ASRGL1: variants seen among roughly 807,000 people sequenced by gnomAD.
The protein encoded by ASRGL1 is isoaspartyl peptidase/L-asparaginase.
In ASRGL1, 16 loss-of-function variants were observed where a neutral mutation model predicts 22.4. The ratio of observed to expected loss-of-function variants is 0.71; its 90% CI spans 0.48 to 1.08. The LOEUF (loss-of-function observed/expected upper bound fraction) is 1.08. Among genes scored for constraint, ASRGL1 ranks in the 50% least tolerant of loss-of-function variants. ASRGL1 has a pLI of 0.00. For missense variants in ASRGL1, 412 were observed against 410.1 expected (o/e 1.00, Z -0.04); for synonymous variants, 165 against 159.3 (o/e 1.04, Z -0.27).
At chr11:62,372,232 C>T in intron 4 of ASRGL1, 1 of 1,348,642 alleles carries the variant, frequency 7.4e-7, no homozygotes, top group Non-Finnish European at 1.1e-6. Flanking sequence ...TTGTGTGCAG[C>T]GTGTGCGCGG....
chr11:62,391,881 A>C, intron 6 of ASRGL1, 198 bp from the exon 7 acceptor site: 1 of 740,696 alleles, frequency 1.4e-6, no homozygotes. Flanking sequence ...TGGATGTGGG[A>C]GGGAAGACCC....
chr11:62,372,264 G>C, intron 4 of ASRGL1: 9 of 1,597,074 alleles, frequency 5.6e-6, no homozygotes, highest in Non-Finnish European at 7.7e-6. Flanking sequence ...GGCCTTGACG[G>C]AAACGGGCTC....
At chr11:62,383,495 C>T (rs1282527642) in intron 4 of ASRGL1, among the ~76,000 whole-genome samples, 4 of 143,496 alleles carry the variant, frequency 2.8e-5, no homozygotes, top group Admixed American at 7.1e-5. Context: ...CCCAGCTACT[C>T]GGGAGGCTGA....
chr11:62,395,190 A>G (rs147868568), downstream of ASRGL1, among the ~76,000 whole-genome samples: 1 of 152,292 alleles, frequency 6.6e-6, no homozygotes, highest in East Asian at 1.9e-4. Context: ...AAATGGCCCG[A>G]AGAACCCACC....
rs551767263 is a variant in ASRGL1 at position 62,352,571 on chromosome 11, G to GA, written c.191-3751dup. Among the ~76,000 whole-genome samples the GA allele has an allele frequency of 3.7e-3, 569 of 152,218 alleles. 1 individual carries two copies. The highest frequency in any genetic ancestry group is 0.013 in the African/African-American group (525 of 41,532). On this transcript the variant is annotated intron_variant, in intron 2 of 6. Transcript: ENST00000415229. The stretch of plus-strand genomic sequence containing the variant: ...GGCACTCCAGCCTGGGCGACGGAGT[G>GA]AAACTGTGTCTAAAAAAAAGAAAAA...
intron 2 of ASRGL1, among the ~76,000 whole-genome samples, chr11:62,351,205 C>A (rs1047767237): frequency 6.6e-6 from 1 of 152,152 alleles, no homozygotes; most frequent in Non-Finnish European, 1.5e-5. Flanking sequence ...TAAATATTTC[C>A]ACTATGTGCA....
At chr11:62,357,354 G>T (rs1049366661) in intron 4 of ASRGL1, among the ~76,000 whole-genome samples, 5 of 151,288 alleles carry the variant, frequency 3.3e-5, no homozygotes, top group Admixed American at 2.6e-4. Context: ...GGCTCAAGCG[G>T]TTCTCCTGCC....
chr11:62,371,160 G>A, intron 4 of ASRGL1: 2 of 1,168,310 alleles, frequency 1.7e-6, no homozygotes. Context: ...CGGCGGTGGC[G>A]GCCTGGGAGG....
intron 4 of ASRGL1, chr11:62,371,199 C>T: frequency 3.2e-6 from 4 of 1,253,534 alleles, no homozygotes; most frequent in South Asian, 3.2e-5. Flanking sequence ...GCACTGCCCA[C>T]GCCAGGGCCC....
rs1332081048 is a variant in ASRGL1 at position 62,383,582 on chromosome 11, G to A, written c.492-5551G>A. Among the ~76,000 whole-genome samples, 19 of 110,422 alleles carry A rather than the reference G, an allele frequency of 1.7e-4. No homozygotes were observed. In the East Asian group the frequency reaches 4.6e-3, roughly 27 times the overall value. 72.4% of individuals were successfully genotyped at this position (110,422 alleles called of 152,430 possible). A position where few individuals can be genotyped will look rare whatever the true frequency, so the allele number is the denominator to read the frequency against. On this transcript the variant is annotated intron_variant, in intron 4 of 6. Transcript: ENST00000415229. ...CCCGCCACTGCACTCCAGCCTGGGC[G>A]ACAGAGCGAGACTCCTACTCAAAAA...
At chr11:62,343,402 T>C (rs1362300955) in intron 2 of ASRGL1, among the ~76,000 whole-genome samples, 2 of 132,018 alleles carry the variant, frequency 1.5e-5, no homozygotes, top group Non-Finnish European at 3.2e-5. Context: ...AAAAAGGAAC[T>C]GCCAAACTTT....
chr11:62,359,921 TTTAACA>T (rs1428176287), intron 4 of ASRGL1, among the ~76,000 whole-genome samples: 1 of 152,034 alleles, frequency 6.6e-6, no homozygotes, highest in African/African-American at 2.4e-5. Context: ...ATATTTTAAC[TTTAACA>T]TTAATAAAAA....
At chr11:62,373,818 G>C (rs1946840581) in intron 4 of ASRGL1, among the ~76,000 whole-genome samples, 1 of 152,244 alleles carries the variant, frequency 6.6e-6, no homozygotes, top group East Asian at 1.9e-4. Context: ...TTGGGGATCT[G>C]TGTTTAGCCA....
At chr11:62,359,668 G>A (rs1056047379) in intron 4 of ASRGL1, among the ~76,000 whole-genome samples, 6 of 152,058 alleles carry the variant, frequency 3.9e-5, no homozygotes, top group African/African-American at 1.2e-4. Context: ...TTCTGTAAGT[G>A]CACAGCACAG....
chr11:62,398,403 C>T (rs1244628376), downstream of ASRGL1, among the ~76,000 whole-genome samples: 2 of 152,148 alleles, frequency 1.3e-5, no homozygotes, highest in Admixed American at 1.3e-4. Context: ...AGCTACCCCA[C>T]GTGCTTGTTG....
chr11:62,346,482 A>G (rs1369215131), intron 2 of ASRGL1, among the ~76,000 whole-genome samples: 4 of 152,160 alleles, frequency 2.6e-5, no homozygotes, highest in African/African-American at 9.7e-5. Flanking sequence ...GTAAGAAGCC[A>G]TGTTTGCTAA....
At chr11:62,362,560 ATT>A (rs1491263833) in intron 4 of ASRGL1, among the ~76,000 whole-genome samples, 77 of 6,320 alleles carry the variant, frequency 0.012, 4 homozygotes, top group African/African-American at 0.019. Flanking sequence ...AACATATATT[ATT>A]TATATAATAT....
chr11:62,383,807 C>G (rs1261612221), intron 4 of ASRGL1, among the ~76,000 whole-genome samples: 2 of 150,034 alleles, frequency 1.3e-5, no homozygotes, highest in Admixed American at 1.3e-4. Context: ...ACCTGTAGTC[C>G]CAGCTTCTCA....
rs934405766 is a variant in ASRGL1, at chr11:62,357,032, G to A, written c.379G>A (p.Ala127Thr). The change falls in exon 4 of 7, where the codon GCA becomes ACA. Residue 127 changes from alanine to threonine, a missense_variant. By Grantham distance (58) the Ala-to-Thr change is moderately conservative. Transcript: ENST00000415229. ...TGACCAAGGCGCAGCGCAGTTTGCA[G>A]CAGCTATGGGGGTTCCAGAGATTCC... Reference protein sequence around the residue: ...LTDQGAAQFAAAMGVPEIPGE... With the variant: ...LTDQGAAQFATAMGVPEIPGE... The A allele has an allele frequency of 2.5e-6, 4 of 1,613,928 alleles. No individual in the cohort carries two copies. In the African/African-American group the frequency reaches 4.0e-5, roughly 16 times the overall value.
Sources: allele counts gnomAD v4.1 joint callset (sites outside exome capture counted in the v4.1 genomes callset), GRCh38; gene constraint gnomAD v4.1.1; transcripts MANE v1.5; gene names NCBI Gene and HGNC (gene_info 2026-07-23, HGNC 2026-07-21).